ACACA: variants seen among roughly 807,000 people sequenced by gnomAD.
ACACA encodes acetyl-CoA carboxylase 1.
Under a neutral mutation model 296.1 loss-of-function variants are expected in ACACA, and 103 were observed. The ratio of observed to expected loss-of-function variants is 0.35; its 90% confidence interval spans 0.30 to 0.41. ACACA has a LOEUF of 0.41. Ranked by LOEUF, ACACA falls within the 10% of genes least tolerant of loss-of-function variation. The probability of loss-of-function intolerance (pLI) is 1.00; values close to 1 mark genes in which losing one functional copy is unlikely to be tolerated. For missense variants in ACACA, 1,554 were observed against 2,989.7 expected (o/e 0.52, Z 11.20); for synonymous variants, 953 against 1,038.6 (o/e 0.92, Z 1.58).
chr17:37,332,983 C>T lies in ACACA; in HGVS notation c.86-2558G>A, dbSNP rs186562443. Among the ~76,000 whole-genome samples the T allele has an allele frequency of 8.3e-4, 126 of 151,866 alleles. 1 individual carries two copies. Among genetic ancestry groups the T allele is most frequent in the Admixed American group, 2.2e-3 (33 of 15,236 alleles). On this transcript the variant is annotated intron_variant, in intron 2 of 55. Coordinates refer to ENST00000616317, the MANE Select transcript of ACACA (RefSeq NM_198834.3). ...AGAGGTTCCCTTGACTGATCCCGAC[C>T]TCAACTTGTATACTGATGGAAGTTC... is the stretch of plus-strand genomic sequence containing the variant.
At position 37,306,621 on chromosome 17, in the gene ACACA, CATAA is replaced by C. The variant is rs547891393; in HGVS notation, c.339-21655_339-21652del. 1.4e-3 allele frequency among the ~76,000 whole-genome samples: 208 copies of C among 152,156 alleles called. 1 individual carries two copies. Among genetic ancestry groups the C allele is most frequent in the African/African-American group, 4.8e-3 (199 of 41,496 alleles). Reference sequence around the variant, plus strand: ...ATCAGTCTTGTTTACTCTTGAACTTCATAAATATAGTGTTATATAATGTATGTAC... The same window carrying C: ...ATCAGTCTTGTTTACTCTTGAACTTCATATAGTGTTATATAATGTATGTAC... On this transcript the variant is annotated intron_variant, in intron 3 of 55. Coordinates refer to ENST00000616317, the MANE Select transcript of ACACA (RefSeq NM_198834.3).
At chr17:37,214,290 TC>T (rs993639437) in intron 29 of ACACA, among the ~76,000 whole-genome samples, 2 of 152,112 alleles carry the variant, frequency 1.3e-5, no homozygotes, top group Non-Finnish European at 2.9e-5. Flanking sequence ...TACTGGCATC[TC>T]CCCCACCACC....
chr17:37,122,884 T>G, intron 48 of ACACA: 1 of 566,486 alleles, frequency 1.8e-6, no homozygotes, highest in Non-Finnish European at 3.2e-6. Flanking sequence ...AACCAAGGGC[T>G]GTTCTAGGGG....
intron 1 of ACACA, among the ~76,000 whole-genome samples, chr17:37,355,232 G>A (rs1331688176): frequency 5.4e-5 from 8 of 149,396 alleles, no homozygotes; most frequent in Non-Finnish European, 1.2e-4. Flanking sequence ...GACAAAGTGA[G>A]ACTCCATCTC....
intron 1 of ACACA, among the ~76,000 whole-genome samples, chr17:37,378,690 G>C (rs954697305): frequency 6.6e-6 from 1 of 152,130 alleles, no homozygotes; most frequent in African/African-American, 2.4e-5. Context: ...TCCAGCCTGA[G>C]CAACAAGAGC....
intron 1 of ACACA, among the ~76,000 whole-genome samples, chr17:37,390,441 A>G (rs1396569166): frequency 3.5e-5 from 5 of 142,928 alleles, no homozygotes; most frequent in Non-Finnish European, 7.5e-5. Flanking sequence ...ATCCTAGCCA[A>G]AATGGTGAAA....
intron 4 of ACACA, among the ~76,000 whole-genome samples, chr17:37,284,146 C>T (rs896312025): frequency 1.6e-4 from 25 of 152,314 alleles, no homozygotes; most frequent in Admixed American, 5.2e-4. Context: ...GCCAAGTCAT[C>T]CTCTCAGCTC....
chr17:37,283,530 T>C, intron 4 of ACACA, 125 bp from the exon 5 acceptor site: 2 of 1,206,290 alleles, frequency 1.7e-6, no homozygotes, highest in Non-Finnish European at 2.3e-6. Flanking sequence ...CAACCAAGAA[T>C]TCTTGTTACT....
chr17:37,362,689 C>A (rs895828664), intron 1 of ACACA, among the ~76,000 whole-genome samples: 8 of 152,052 alleles, frequency 5.3e-5, no homozygotes, highest in African/African-American at 1.7e-4. Flanking sequence ...CACTAGGGTG[C>A]GCCAGGCGCG....
rs569936306 is a variant in ACACA, at chr17:37,288,902, C to T, written c.339-3932G>A. On this transcript the variant is annotated intron_variant, in intron 3 of 55. Transcript: ENST00000616317. ...GACAGAGTGAGATCCTGCCCCCGCT[C>T]CACCAAAAAAAAAGGGTAAACTTTA... Among the ~76,000 whole-genome samples the T allele has an allele frequency of 5.7e-4, 86 of 150,232 alleles. No homozygotes were observed. In the South Asian group the frequency reaches 0.017, roughly 30 times the overall value.
chr17:37,321,504 C>CT (rs1290806501), intron 3 of ACACA, among the ~76,000 whole-genome samples: 1 of 152,138 alleles, frequency 6.6e-6, no homozygotes, highest in Non-Finnish European at 1.5e-5. Context: ...AATCTCAGCA[C>CT]TTTGGGAGGC....
At chr17:37,138,795 T>C (rs775222737) in intron 45 of ACACA, among the ~76,000 whole-genome samples, 42 of 152,218 alleles carry the variant, frequency 2.8e-4, no homozygotes, top group Non-Finnish European at 5.7e-4. Flanking sequence ...AACAAATTCA[T>C]GATACACTAT....
At chr17:37,388,211 G>C (rs1384368629) in intron 1 of ACACA, among the ~76,000 whole-genome samples, 1 of 152,088 alleles carries the variant, frequency 6.6e-6, no homozygotes, top group Non-Finnish European at 1.5e-5. Flanking sequence ...CCCAGAAGCA[G>C]TGCTAATTTT....
At chr17:37,219,274 G>A (rs1276152304) in intron 29 of ACACA, among the ~76,000 whole-genome samples, 1 of 152,190 alleles carries the variant, frequency 6.6e-6, no homozygotes, top group African/African-American at 2.4e-5. Context: ...GATAAACTCT[G>A]ATTCCACAGG....
rs183336379 is a variant in ACACA, at chr17:37,226,062, T to C, written c.3360+277A>G. Among the ~76,000 whole-genome samples, 345 of 152,330 alleles carry C rather than the reference T, an allele frequency of 2.3e-3. 1 individual carries two copies. Among genetic ancestry groups the C allele is most frequent in the Admixed American group, 3.9e-3 (59 of 15,302 alleles). The stretch of plus-strand genomic sequence containing the variant: ...GAGTGTCCTTTCCTCCACCTGACCC[T>C]GGTTTACTATCACAGGGCTACTAGG... On this transcript the variant is annotated intron_variant, in intron 26 of 55. Transcript: ENST00000616317.
At chr17:37,258,099 A>G in intron 13 of ACACA, 113 bp downstream of exon 13, 3 of 1,343,500 alleles carry the variant, frequency 2.2e-6, no homozygotes, top group African/African-American at 1.5e-5. Context: ...AGAAACCTCT[A>G]TGTTTCCCAC....
chr17:37,367,751 C>T (rs1299833600), intron 1 of ACACA: 1 of 152,096 alleles, frequency 6.6e-6, no homozygotes, highest in Non-Finnish European at 1.5e-5. Flanking sequence ...GAACAGAATG[C>T]TTTATGGATC....
chr17:37,140,337 G>A (rs771812717), intron 45 of ACACA, among the ~76,000 whole-genome samples: 1 of 151,898 alleles, frequency 6.6e-6, no homozygotes, highest in Non-Finnish European at 1.5e-5. Context: ...CTGGTCTCAC[G>A]AGTATGTAAT....
At chr17:37,093,839 C>T (rs1374771832) in intron 54 of ACACA, among the ~76,000 whole-genome samples, 2 of 152,130 alleles carry the variant, frequency 1.3e-5, no homozygotes, top group Admixed American at 1.3e-4. Flanking sequence ...ACTCACTGAA[C>T]CCCATGACAT....
Sources: gnomAD v4.1 joint callset for allele counts (sites outside exome capture counted in the v4.1 genomes callset) on GRCh38, gnomAD v4.1.1 for gene constraint, MANE v1.5 for transcripts, NCBI Gene and HGNC (gene_info 2026-07-23, HGNC 2026-07-21) for gene names.